Variants in PAPPA observed in about 807,000 individuals in gnomAD.
PAPPA encodes pappalysin 1.
Under a neutral mutation model 164.0 loss-of-function variants are expected in PAPPA, and 60 were observed. The ratio of observed to expected loss-of-function variants is 0.37; its 90% CI spans 0.30 to 0.45. The LOEUF (loss-of-function observed/expected upper bound fraction) is 0.45. Ranked by LOEUF, PAPPA falls within the 20% of genes least tolerant of loss-of-function variation. The pLI, the probability that PAPPA is intolerant of heterozygous loss-of-function variation, is 1.00. For missense variants in PAPPA, 1,782 were observed against 2,087.3 expected (o/e 0.85, Z 2.85); for synonymous variants, 875 against 814.1 (o/e 1.07, Z -1.27).
At chr9:116,180,355 A>G (rs1357418956) in intron 1 of PAPPA, among the ~76,000 whole-genome samples, 3 of 152,068 alleles carry the variant, frequency 2.0e-5, no homozygotes, top group African/African-American at 7.2e-5. Context: ...AGTGAAAGAG[A>G]TGAGAGTTAG....
At chr9:116,177,068 C>T (rs931796420) in intron 1 of PAPPA, among the ~76,000 whole-genome samples, 2 of 151,378 alleles carry the variant, frequency 1.3e-5, no homozygotes, top group African/African-American at 4.9e-5. Flanking sequence ...AAACAGTTCT[C>T]TCCTTCTTCT....
chr9:116,264,313 T>C (rs946683631), intron 7 of PAPPA, among the ~76,000 whole-genome samples: 4 of 152,238 alleles, frequency 2.6e-5, no homozygotes, highest in East Asian at 1.9e-4. Context: ...CACTCATGCA[T>C]AAAAATCTCT....
rs3789275 is a variant in PAPPA, at chr9:116,183,574, G to A, written c.416-3580G>A. ...ATAAGACTACTGTTGATTAAGTTAT[G>A]TTCATATAGAAATAAAACCCCATTG... On this transcript the variant is annotated intron_variant, in intron 1 of 21. Coordinates refer to ENST00000328252, the MANE Select transcript of PAPPA (RefSeq NM_002581.5). Among the ~76,000 whole-genome samples, 958 of 152,134 alleles carry A rather than the reference G, an allele frequency of 6.3e-3. 39 individuals are homozygous for A. The East Asian group carries it at 0.11, about 17-fold the overall frequency.
intron 8 of PAPPA, among the ~76,000 whole-genome samples, chr9:116,268,706 T>A (rs1417409399): frequency 1.5e-5 from 2 of 133,786 alleles, no homozygotes; most frequent in Non-Finnish European, 3.2e-5. Flanking sequence ...TTAATACAGT[T>A]TTTTTTTAGT....
In PAPPA at chr9:116,400,302, G is replaced by A. The variant is rs1027586266; in HGVS notation, c.*3686G>A. 2 of 152,164 alleles carry A rather than the reference G, an allele frequency of 1.3e-5. No individual in the cohort carries two copies. The highest frequency in any genetic ancestry group is 2.9e-5 in the Non-Finnish European group (2 of 68,018). 9.4% of individuals were successfully genotyped at this position (152,164 alleles called of 1,614,324 possible). On this transcript the variant is annotated 3_prime_UTR_variant, in exon 22 of 22. Coordinates refer to ENST00000328252, the MANE Select transcript of PAPPA (RefSeq NM_002581.5). ...AGACACAAACATAAAGATTTCCCTAGAAGACATAGAGTGGGATTTGATAAC... is the reference window on the plus strand; with the variant it reads ...AGACACAAACATAAAGATTTCCCTAAAAGACATAGAGTGGGATTTGATAAC...
intron 1 of PAPPA, among the ~76,000 whole-genome samples, chr9:116,158,080 T>C (rs1300126227): frequency 1.3e-5 from 2 of 152,148 alleles, no homozygotes; most frequent in African/African-American, 4.8e-5. Context: ...GCCTTAGTGA[T>C]TCGGAATTCC....
At chr9:116,215,195 T>C (rs566263290) in intron 4 of PAPPA, among the ~76,000 whole-genome samples, 1 of 152,254 alleles carries the variant, frequency 6.6e-6, no homozygotes, top group African/African-American at 2.4e-5. Context: ...GAGACCCAAG[T>C]TGAATGTTCG....
rs1197253600 is a variant in PAPPA, at chr9:116,347,033, C to CCAG, written c.3790_3792dup (p.Ser1264dup). 18 of 1,611,422 alleles carry CCAG rather than the reference C, an allele frequency of 1.1e-5. No individual in the cohort carries two copies. The highest frequency in any genetic ancestry group is 8.0e-5 in the African/African-American group (6 of 74,940). On this transcript the variant is annotated inframe_insertion, in exon 15 of 22. Coordinates refer to ENST00000328252, the MANE Select transcript of PAPPA (RefSeq NM_002581.5). The surrounding 1 kb of genome is among the most constrained non-coding windows in gnomAD (Gnocchi z 4.5). The stretch of plus-strand genomic sequence containing the variant: ...CACGACTCTGCCTTTCAGACGGGAC[C>CCAG]CAGCGTCACAGTGACCTGTACAGAG...
At chr9:116,391,435 G>A (rs1405004735) in intron 21 of PAPPA, among the ~76,000 whole-genome samples, 1 of 152,144 alleles carries the variant, frequency 6.6e-6, no homozygotes, top group Non-Finnish European at 1.5e-5. Flanking sequence ...AGCACAACAT[G>A]ACTGTTGTCC....
At chr9:116,389,129 C>CTTT (rs374938651) in intron 21 of PAPPA, among the ~76,000 whole-genome samples, 2 of 128,850 alleles carry the variant, frequency 1.6e-5, no homozygotes, top group Non-Finnish European at 1.6e-5. Context: ...CAGAATAATC[C>CTTT]TTTTTTTTTT....
intron 1 of PAPPA, among the ~76,000 whole-genome samples, chr9:116,180,024 C>T (rs1843884569): frequency 6.6e-6 from 1 of 152,098 alleles, no homozygotes; most frequent in Admixed American, 6.5e-5. Flanking sequence ...AGCTAGTGGG[C>T]ATCCTTTAAT....
chr9:116,292,916 A>G (rs1229543892), intron 9 of PAPPA, among the ~76,000 whole-genome samples: 1 of 152,180 alleles, frequency 6.6e-6, no homozygotes, highest in Non-Finnish European at 1.5e-5. Flanking sequence ...ATCCCAGACA[A>G]CTAGGATGAC....
intron 1 of PAPPA, among the ~76,000 whole-genome samples, chr9:116,159,036 A>G (rs139568402): frequency 1.5e-3 from 233 of 152,272 alleles, no homozygotes; most frequent in Non-Finnish European, 3.0e-3. Flanking sequence ...CCATATACCT[A>G]CAGATCGAAG....
At chr9:116,346,799 G>C (rs1210126778) in intron 14 of PAPPA, among the ~76,000 whole-genome samples, 1 of 152,138 alleles carries the variant, frequency 6.6e-6, no homozygotes, top group South Asian at 2.1e-4. Flanking sequence ...GTTAACTTAA[G>C]GCTGATCATG....
chr9:116,402,203 C>G lies in PAPPA; in HGVS notation c.*5587C>G, dbSNP rs1330790242. On this transcript the variant is annotated 3_prime_UTR_variant, in exon 22 of 22. Coordinates refer to ENST00000328252, the MANE Select transcript of PAPPA (RefSeq NM_002581.5). ...GTTTTCCCATACTGTTTTCTCTGAT[C>G]TCAATTACAGGTTGGATCTCACAAA... The G allele has an allele frequency of 6.6e-6, 1 of 152,564 alleles. No homozygotes were observed. The highest frequency in any genetic ancestry group is 2.4e-5 in the African/African-American group (1 of 41,428). 9.5% of individuals were successfully genotyped at this position (152,564 alleles called of 1,614,324 possible). A position where few individuals can be genotyped will look rare whatever the true frequency, so the allele number is the denominator to read the frequency against.
In PAPPA at chr9:116,235,459, G is replaced by C; in HGVS notation, c.2554G>C (p.Gly852Arg). The change falls in exon 7 of 22, where the codon GGC becomes CGC. Residue 852 changes from glycine (G) to arginine (R), a missense_variant. Transcript: ENST00000328252. Reference sequence around the variant, plus strand: ...CTGGGACGTGGGCGAGGAGGTGTATGGCATCCAAATCTACACGCTGGATGA... The same window carrying C: ...CTGGGACGTGGGCGAGGAGGTGTATCGCATCCAAATCTACACGCTGGATGA... ...RLWDVGEEVY[G>R]IQIYTLDEHL... The C allele has an allele frequency of 6.2e-7, 1 of 1,612,840 alleles. No individual in the cohort carries two copies. Among genetic ancestry groups the C allele is most frequent in the Non-Finnish European group, 8.5e-7 (1 of 1,179,542 alleles).
chr9:116,257,908 C>T (rs1230529286), intron 7 of PAPPA, among the ~76,000 whole-genome samples: 1 of 151,572 alleles, frequency 6.6e-6, no homozygotes, highest in Non-Finnish European at 1.5e-5. Flanking sequence ...ACAAATAAAC[C>T]TACACGTAAT....
chr9:116,188,115 G>T lies in PAPPA; in HGVS notation c.1377G>T (p.Met459Ile). ...VKKQHNGVCD[M>I]DCNYERFNFD... is the part of the protein sequence containing the mutation. ...AGCAGCACAACGGGGTGTGTGACAT[G>T]GACTGCAACTATGAACGGTTCAACT... Residue 459 changes from methionine to isoleucine, a missense_variant, in exon 2 of 22, where the codon ATG (methionine) becomes ATT (isoleucine). By Grantham distance (10) the Met-to-Ile change is conservative (BLOSUM62 1). Transcript: ENST00000328252. The T allele has an allele frequency of 6.2e-7, 1 of 1,614,190 alleles. No homozygotes were observed. The highest frequency in any genetic ancestry group is 1.1e-5 in the South Asian group (1 of 91,086).
At chr9:116,258,803 G>A (rs546310529) in intron 7 of PAPPA, among the ~76,000 whole-genome samples, 1 of 152,052 alleles carries the variant, frequency 6.6e-6, no homozygotes, top group Non-Finnish European at 1.5e-5. Context: ...ATACATATTT[G>A]GGGGGAAAAA....
Sources: gnomAD v4.1 joint callset for allele counts (sites outside exome capture counted in the v4.1 genomes callset) on GRCh38, gnomAD v4.1.1 for gene constraint, Gnocchi (gnomAD v3.1) non-coding constraint, MANE v1.5 for transcripts, NCBI Gene and HGNC (gene_info 2026-07-23, HGNC 2026-07-21) for gene names.